The following CHAF1A variants were observed in gnomAD, a reference collection of about 807,000 sequenced individuals.
CHAF1A encodes chromatin assembly factor 1 subunit A.
CHAF1A carries 5 observed loss-of-function variants against 93.2 expected under a neutral mutation model. That is an observed-to-expected ratio of 0.05 (90% confidence interval 0.03 to 0.11). The LOEUF (loss-of-function observed/expected upper bound fraction) is 0.11, where lower values mean the gene tolerates loss of function less well. Ranked by LOEUF, CHAF1A falls within the 10% of genes least tolerant of loss-of-function variation. The pLI is 1.00. For missense variants in CHAF1A, 1,102 were observed against 1,259.9 expected, an observed-to-expected ratio of 0.87 and a Z score of 1.90; for synonymous variants, 504 against 510.3, an observed-to-expected ratio of 0.99 and a Z score of 0.17.
rs1181569512 is a variant in CHAF1A at position 4,402,742 on chromosome 19, G to T, written c.-21G>T. 2.5e-6 allele frequency: 3 copies of T among 1,200,598 alleles called. No individual in the cohort carries two copies. The highest frequency in any genetic ancestry group is 3.1e-6 in the Non-Finnish European group (3 of 967,584). The allele number at this position is 1,200,598 out of a possible 1,614,324, so 74.4% of individuals were successfully genotyped here. ...CCCGCGCCTCCGCCGCCTGAGAGGA[G>T]GTCGAGCTGCCGCCGGGGCGATGCT... is the stretch of plus-strand genomic sequence containing the variant. On this transcript the variant is annotated 5_prime_UTR_variant, in exon 1 of 15. In the 5' UTR this introduces an upstream ATG that the reference lacks. Coordinates refer to ENST00000301280, the MANE Select transcript of CHAF1A (RefSeq NM_005483.3).
chr19:4,437,884 C>T (rs969761869), intron 13 of CHAF1A, among the ~76,000 whole-genome samples: 44 of 152,126 alleles, frequency 2.9e-4, no homozygotes, highest in Non-Finnish European at 1.0e-4. Context: ...GGACTACAGG[C>T]GCCCACCACC....
At chr19:4,447,572 T>C (rs1426418931), downstream of CHAF1A, 7 of 1,613,760 alleles carry the variant, frequency 4.3e-6, no homozygotes, top group South Asian at 7.7e-5. Flanking sequence ...GTTCTGCAGC[T>C]TGATCTTCCG....
intron 13 of CHAF1A, among the ~76,000 whole-genome samples, chr19:4,434,674 T>TC (rs1974250141): frequency 6.6e-6 from 1 of 152,310 alleles, no homozygotes; most frequent in Non-Finnish European, 1.5e-5. Flanking sequence ...CTTTTTTTTT[T>TC]CACACTGAAT....
At chr19:4,407,517 A>G (rs550657176) in intron 2 of CHAF1A, among the ~76,000 whole-genome samples, 5 of 152,258 alleles carry the variant, frequency 3.3e-5, no homozygotes, top group Admixed American at 1.3e-4. Context: ...TGAGAACCAG[A>G]TGCAGTTATT....
rs1338638501 is a variant in CHAF1A at position 4,428,713 on chromosome 19, A to G, written c.1427A>G (p.His476Arg). Residue 476 changes from histidine (H) to arginine (R), a missense_variant, in exon 8 of 15, where the codon CAC becomes CGC. His to Arg is a conservative substitution (Grantham distance 29). This residue lies in a region of CHAF1A where 165 missense variants were observed against 243.9 expected (regional missense o/e 0.68). Coordinates refer to ENST00000301280, the MANE Select transcript of CHAF1A (RefSeq NM_005483.3). ...GKFAPFEIKE[H>R]MVLAPRRRTA... ...TTTGCCCCCTTTGAAATTAAAGAGC[A>G]CATGGTCCTGGCCCCTCGGCGTCGG... The G allele has an allele frequency of 6.2e-7, 1 of 1,614,202 alleles. No individual in the cohort carries two copies. The highest frequency in any genetic ancestry group is 1.1e-5 in the South Asian group (1 of 91,086).
intron 4 of CHAF1A, among the ~76,000 whole-genome samples, chr19:4,419,340 T>G (rs116936965): frequency 0.013 from 2,030 of 152,250 alleles, 28 homozygotes; most frequent in Middle Eastern, 0.034. Context: ...ACTGAGTGTT[T>G]CCTGAGCTCC....
At chr19:4,448,434 G>A, downstream of CHAF1A, 1 of 1,590,998 alleles carries the variant, frequency 6.3e-7, no homozygotes, top group Non-Finnish European at 8.6e-7. Context: ...AGGGAAGCAG[G>A]GAAAGCCACT....
chr19:4,422,705 G>GGCGGGAGAA lies in CHAF1A; in HGVS notation c.1168_1176dup (p.Arg390_Lys392dup). ...GAGAAGGAGCTTAAGGAAAAGGAGA[G>GGCGGGAGAA]GCGGGAGAAGCGGGAGAAGGATGAG... is the stretch of plus-strand genomic sequence containing the variant. On this transcript the variant is annotated inframe_insertion, in exon 5 of 15. Transcript: ENST00000301280. The surrounding 1 kb of genome is among the most constrained non-coding windows in gnomAD (Gnocchi z 4.6). 5 of 1,607,896 alleles carry GGCGGGAGAA rather than the reference G, an allele frequency of 3.1e-6. No individual in the cohort carries two copies. Among genetic ancestry groups the GGCGGGAGAA allele is most frequent in the Middle Eastern group, 1.7e-4 (1 of 5,750 alleles).
At chr19:4,429,148 C>T in intron 8 of CHAF1A, 1 of 593,024 alleles carries the variant, frequency 1.7e-6, no homozygotes, top group East Asian at 2.8e-5. Context: ...GAAGGATACC[C>T]CCCAACACCT....
intron 7 of CHAF1A, among the ~76,000 whole-genome samples, chr19:4,425,159 C>G (rs1335448858): frequency 2.6e-5 from 4 of 152,132 alleles, no homozygotes; most frequent in Non-Finnish European, 5.9e-5. Context: ...ACCTACACAT[C>G]ATATTGTGAC....
intron 13 of CHAF1A, among the ~76,000 whole-genome samples, chr19:4,440,151 A>G (rs1006046983): frequency 6.6e-6 from 1 of 152,086 alleles, no homozygotes; most frequent in Non-Finnish European, 1.5e-5. Context: ...AATTCCTGGA[A>G]TTTTTTGAGG....
downstream of CHAF1A, chr19:4,444,858 T>C (rs1974469558): frequency 6.5e-6 from 1 of 152,684 alleles, no homozygotes; most frequent in Admixed American, 6.5e-5. Context: ...GGGTGGCTCA[T>C]CGGGCACTTG....
In CHAF1A at chr19:4,430,833, C is replaced by T. The variant is rs1467079117; in HGVS notation, c.1947+192C>T. On this transcript the variant is annotated intron_variant, in intron 11 of 14. Coordinates refer to ENST00000301280, the MANE Select transcript of CHAF1A (RefSeq NM_005483.3). The stretch of plus-strand genomic sequence containing the variant: ...TGGTATTACCTGGGAGGGTGGCAGA[C>T]GTAGGAGGAGCTTGCAAGCGAGGGG... The T allele has an allele frequency of 8.6e-6, 5 of 582,526 alleles. No homozygotes were observed. In the Admixed American group the frequency reaches 9.1e-5, roughly 11 times the overall value. 36.1% of individuals were successfully genotyped at this position (582,526 alleles called of 1,614,324 possible).
intron 8 of CHAF1A, 57 bp from the exon 9 acceptor site, chr19:4,429,381 G>GT: frequency 6.3e-7 from 1 of 1,576,672 alleles, no homozygotes; most frequent in African/African-American, 1.4e-5. Context: ...TTCCTGGGAG[G>GT]TTTGTGAGCA....
chr19:4,446,150 G>T (rs370962024), downstream of CHAF1A: 4 of 1,611,004 alleles, frequency 2.5e-6, no homozygotes, highest in Non-Finnish European at 3.4e-6. Flanking sequence ...AGGGCCTCCC[G>T]GACGAACCCG....
intron 13 of CHAF1A, 67 bp from the exon 14 acceptor site, chr19:4,442,177 CG>C: frequency 7.5e-7 from 1 of 1,331,570 alleles, no homozygotes; most frequent in Non-Finnish European, 1.1e-6. Context: ...GAGTTCCCCC[CG>C]CTACCGCACT....
chr19:4,418,990 G>A (rs1973944109), intron 4 of CHAF1A, among the ~76,000 whole-genome samples: 1 of 149,524 alleles, frequency 6.7e-6, no homozygotes, highest in Admixed American at 6.6e-5. Context: ...AGCCTCCCGA[G>A]TAGCTGGGAC....
intron 10 of CHAF1A, 172 bp downstream of exon 10, chr19:4,429,960 C>G (rs187491452): frequency 9.8e-6 from 6 of 613,684 alleles, no homozygotes; most frequent in Non-Finnish European, 1.7e-5. Context: ...CTTCCAGCTT[C>G]TCTCGAAAAA....
downstream of CHAF1A, chr19:4,445,385 T>C (rs1974484634): frequency 6.6e-7 from 1 of 1,525,418 alleles, no homozygotes; most frequent in Non-Finnish European, 8.9e-7. Context: ...CCCGTGCCCA[T>C]GGGGCAGAGC....
Sources: allele counts gnomAD v4.1 joint callset (sites outside exome capture counted in the v4.1 genomes callset), GRCh38; gene constraint gnomAD v4.1.1; regional missense constraint gnomAD v4.1.1; non-coding constraint Gnocchi (gnomAD v3.1); transcripts MANE v1.5; gene names NCBI Gene and HGNC (gene_info 2026-07-23, HGNC 2026-07-21).